Variants in BRPF1 observed in about 807,000 individuals in gnomAD.
BRPF1 encodes bromodomain and PHD finger containing 1.
Under a neutral mutation model 115.0 loss-of-function variants are expected in BRPF1, and 15 were observed. That is an observed-to-expected ratio of 0.13 (90% CI 0.09 to 0.20). The LOEUF (loss-of-function observed/expected upper bound fraction) is 0.20. Ranked by LOEUF, BRPF1 falls within the 10% of genes least tolerant of loss-of-function variation. The pLI, the probability that BRPF1 is intolerant of heterozygous loss-of-function variation, is 1.00. For missense variants in BRPF1, 1,118 were observed against 1,638.3 expected (o/e 0.68, Z 5.48); for synonymous variants, 647 against 619.8 (o/e 1.04, Z -0.65).
In BRPF1 at chr3:9,743,521, C is replaced by G; in HGVS notation, c.2312-57C>G. 6.4e-7 allele frequency: 1 copy of G among 1,550,584 alleles called. No individual in the cohort carries two copies. The highest frequency in any genetic ancestry group is 8.7e-7 in the Non-Finnish European group (1 of 1,143,878). ...GGGTTTCTTGCTGCCTGCCCAGGTT[C>G]AAGGGGCCCTGAGGGCTGCCCTGAG... On this transcript the variant is annotated intron_variant, in intron 7 of 13. Transcript: ENST00000383829. The surrounding 1 kb of genome is among the most constrained non-coding windows in gnomAD (Gnocchi z 6.1).
At chr3:9,742,256 G>C (rs1380511439) in intron 6 of BRPF1, 85 bp downstream of exon 6, 2 of 1,565,224 alleles carry the variant, frequency 1.3e-6, no homozygotes, top group African/African-American at 2.7e-5. Flanking sequence ...AGGACTAGAT[G>C]GGGACCTTGA....
chr3:9,737,770 C>T (rs1047677974), intron 2 of BRPF1, among the ~76,000 whole-genome samples: 10 of 152,252 alleles, frequency 6.6e-5, no homozygotes, highest in African/African-American at 2.2e-4. Context: ...GGTGCTCACA[C>T]TTCCTTCCAT....
At chr3:9,740,002 C>T in intron 3 of BRPF1, 44 bp downstream of exon 3, 1 of 1,499,992 alleles carries the variant, frequency 6.7e-7, no homozygotes, top group African/African-American at 1.4e-5. Context: ...GAGAAAGGAG[C>T]CTCCAGGAGA....
At position 9,745,889 on chromosome 3, in the gene BRPF1, G is replaced by A; in HGVS notation, c.3283G>A (p.Val1095Met). 1 of 1,614,122 alleles carries A rather than the reference G, an allele frequency of 6.2e-7. No individual in the cohort carries two copies. Among genetic ancestry groups the A allele is most frequent in the Non-Finnish European group, 8.5e-7 (1 of 1,180,006 alleles). Reference sequence around the variant, plus strand: ...CTCCCCGCTGGATGCTCTGGACCTCGTGTGGGCCAAATGCCGAGGCTATCC... The same window carrying A: ...CTCCCCGCTGGATGCTCTGGACCTCATGTGGGCCAAATGCCGAGGCTATCC... The part of the protein sequence containing the change: ...EDSPLDALDL[V>M]WAKCRGYPSY... Residue 1095 changes from valine to methionine, a missense_variant, in exon 12 of 14, where the codon GTG becomes ATG. By Grantham distance (21) the Val-to-Met change is conservative. This residue lies in a region of BRPF1 where 76 missense variants were observed against 166.1 expected (regional missense o/e 0.46). Coordinates refer to ENST00000383829, the MANE Select transcript of BRPF1 (RefSeq NM_001003694.2). This position sits in a 1 kb window ranked among gnomAD's most constrained non-coding sequence, Gnocchi z 5.1.
At chr3:9,740,354 T>TG (rs1184365801) in intron 3 of BRPF1, among the ~76,000 whole-genome samples, 1 of 152,234 alleles carries the variant, frequency 6.6e-6, no homozygotes, top group African/African-American at 2.4e-5. Context: ...GCTGCTCATT[T>TG]GGGCTGTGAT....
intron 2 of BRPF1, among the ~76,000 whole-genome samples, chr3:9,735,733 A>T (rs1575149231): frequency 1.3e-5 from 2 of 152,270 alleles, no homozygotes. Flanking sequence ...CTTTAACATG[A>T]GGTAAAAGAT....
rs1297814913 is a variant in BRPF1, at chr3:9,743,981, C to T, written c.2635+80C>T. On this transcript the variant is annotated intron_variant, in intron 8 of 13. Coordinates refer to ENST00000383829, the MANE Select transcript of BRPF1 (RefSeq NM_001003694.2). The surrounding 1 kb of genome is among the most constrained non-coding windows in gnomAD (Gnocchi z 6.1). ...GCACACACTCAACCCCTGCCATTCC[C>T]CAGGCAGAGGTCCCTCCTACACAGC... is the stretch of plus-strand genomic sequence containing the variant. The T allele has an allele frequency of 7.5e-6, 11 of 1,458,508 alleles. 1 individual carries two copies. The South Asian group carries it at 1.4e-4, about 18-fold the overall frequency. 90.3% of individuals were successfully genotyped at this position (1,458,508 alleles called of 1,614,324 possible).
Position 9,745,772 on chromosome 3 carries a change from C to T in BRPF1, c.3206-40C>T. On this transcript the variant is annotated intron_variant, in intron 11 of 13. Coordinates refer to ENST00000383829, the MANE Select transcript of BRPF1 (RefSeq NM_001003694.2). The surrounding 1 kb of genome is among the most constrained non-coding windows in gnomAD (Gnocchi z 5.1). ...CCAGTGTCAGGGTCTCGCCAGCCCC[C>T]CAGCTGCTGATCCACCCCCTCTCCC... 1 of 1,610,890 alleles carries T rather than the reference C, an allele frequency of 6.2e-7. No homozygotes were observed. The highest frequency in any genetic ancestry group is 8.5e-7 in the Non-Finnish European group (1 of 1,177,338).
At position 9,734,440 on chromosome 3, in the gene BRPF1, G is replaced by A; in HGVS notation, c.300G>A (p.Glu100=). The A allele has an allele frequency of 6.2e-7, 1 of 1,614,134 alleles. No homozygotes were observed. Among genetic ancestry groups the A allele is most frequent in the Non-Finnish European group, 8.5e-7 (1 of 1,180,028 alleles). ...MSYAQAQRMV[E]VDLHGRVHRI... Reference sequence around the variant, plus strand: ...ATGCACAGGCCCAGCGCATGGTGGAGGTGGACTTGCATGGCCGCGTCCACC... The same window carrying A: ...ATGCACAGGCCCAGCGCATGGTGGAAGTGGACTTGCATGGCCGCGTCCACC... Residue 100 remains glutamate, a synonymous_variant, in exon 2 of 14, where the codon GAG becomes GAA. Coordinates refer to ENST00000383829, the MANE Select transcript of BRPF1 (RefSeq NM_001003694.2). This position sits in a 1 kb window ranked among gnomAD's most constrained non-coding sequence, Gnocchi z 5.7.
Position 9,742,939 on chromosome 3 carries a change from T to G in BRPF1, c.2002-5T>G. 1 of 1,610,106 alleles carries G rather than the reference T, an allele frequency of 6.2e-7. No individual in the cohort carries two copies. Among genetic ancestry groups the G allele is most frequent in the Non-Finnish European group, 8.5e-7 (1 of 1,176,830 alleles). On this transcript the variant is annotated splice_region_variant and splice_polypyrimidine_tract_variant and intron_variant, in intron 6 of 13. Coordinates refer to ENST00000383829, the MANE Select transcript of BRPF1 (RefSeq NM_001003694.2). ...ACTTAAAACAAACCTGCCCTGCCCT[T>G]CCAGGTACCTGACTACCTAGACCAC...
intron 2 of BRPF1, among the ~76,000 whole-genome samples, chr3:9,736,048 GTCAC>G (rs773996342): frequency 1 from 142,937 of 142,958 alleles, 71,458 homozygotes; most frequent in South Asian, 1. Context: ...GTCTCGCTCT[GTCAC>G]CCAGGCTGGA....
chr3:9,745,627 C>G lies in BRPF1; in HGVS notation c.3123C>G (p.Phe1041Leu), dbSNP rs1303198615. 3.7e-6 allele frequency: 6 copies of G among 1,614,108 alleles called. No individual in the cohort carries two copies. The highest frequency in any genetic ancestry group is 5.1e-6 in the Non-Finnish European group (6 of 1,180,030). The part of the protein sequence containing the change: ...RGKPSFSRGT[F>L]PEDSSEDTSG... ...AACCCTCCTTCTCTCGGGGCACTTT[C>G]CCAGAGGACAGCAGTGAGGATACCT... Residue 1041 changes from phenylalanine to leucine, a missense_variant, in exon 11 of 14, where the codon TTC becomes TTG. By Grantham distance (22) the Phe-to-Leu change is conservative. Coordinates refer to ENST00000383829, the MANE Select transcript of BRPF1 (RefSeq NM_001003694.2). The surrounding 1 kb of genome is among the most constrained non-coding windows in gnomAD (Gnocchi z 5.1).
chr3:9,739,794 G>T lies in BRPF1; in HGVS notation c.1395G>T (p.Glu465Asp). ...CTGCCCTGTCCCACAGCGAGGGTGAGGAGGATGAAGATGAGGAGGAGGATG... is the reference window on the plus strand; with the variant it reads ...CTGCCCTGTCCCACAGCGAGGGTGATGAGGATGAAGATGAGGAGGAGGATG... ...RLPALSHSEGEEDEDEEEDEG... is the reference protein window; with the variant it reads ...RLPALSHSEGDEDEDEEEDEG... Residue 465 changes from glutamate (E) to aspartate (D), a missense_variant, in exon 3 of 14, where the codon GAG (glutamate) becomes GAT (aspartate). By Grantham distance (45) the Glu-to-Asp change is conservative (BLOSUM62 2). Coordinates refer to ENST00000383829, the MANE Select transcript of BRPF1 (RefSeq NM_001003694.2). The T allele has an allele frequency of 6.2e-7, 1 of 1,613,052 alleles. No individual in the cohort carries two copies. The highest frequency in any genetic ancestry group is 8.5e-7 in the Non-Finnish European group (1 of 1,179,528).
At position 9,747,056 on chromosome 3, in the gene BRPF1, A is replaced by C; in HGVS notation, c.3480-110A>C. 3.4e-6 allele frequency: 4 copies of C among 1,179,012 alleles called. No individual in the cohort carries two copies. Among genetic ancestry groups the C allele is most frequent in the Non-Finnish European group, 3.7e-6 (3 of 805,828 alleles). The allele number at this position is 1,179,012 out of a possible 1,614,324, so 73.0% of individuals were successfully genotyped here. ...GTCCTTTGAGGGCAGGGACCATCAC[A>C]GAGTCTGGCCAGAGTGGGTGCTTGG... On this transcript the variant is annotated intron_variant, in intron 13 of 13. Coordinates refer to ENST00000383829, the MANE Select transcript of BRPF1 (RefSeq NM_001003694.2). This position sits in a 1 kb window ranked among gnomAD's most constrained non-coding sequence, Gnocchi z 5.6.
rs774841492 is a variant in BRPF1 at position 9,743,944 on chromosome 3, T to G, written c.2635+43T>G. On this transcript the variant is annotated intron_variant, in intron 8 of 13. Transcript: ENST00000383829. This position sits in a 1 kb window ranked among gnomAD's most constrained non-coding sequence, Gnocchi z 6.1. ...AGGTGGACCCCAAAGCAAGTCAGAC[T>G]TTGGCTCTGCAGCACACACTCAACC... The G allele has an allele frequency of 2.2e-5, 34 of 1,530,804 alleles. No homozygotes were observed. The highest frequency in any genetic ancestry group is 3.0e-5 in the Non-Finnish European group (34 of 1,136,436). The allele number at this position is 1,530,804 out of a possible 1,614,324, so 94.8% of individuals were successfully genotyped here.
At chr3:9,741,568 AG>A in intron 5 of BRPF1, 129 bp downstream of exon 5, 1 of 810,922 alleles carries the variant, frequency 1.2e-6, no homozygotes, top group Non-Finnish European at 1.6e-6. Context: ...ACCTGGGAGG[AG>A]GGGTTTGCAG....
At position 9,734,610 on chromosome 3, in the gene BRPF1, G is replaced by T. The variant is rs889065158; in HGVS notation, c.470G>T (p.Arg157Leu). 3 of 1,614,068 alleles carry T rather than the reference G, an allele frequency of 1.9e-6. No homozygotes were observed. The highest frequency in any genetic ancestry group is 2.5e-6 in the Non-Finnish European group (3 of 1,180,016). ...GGCAAACATAAGAACAAGGAGAAGC[G>T]CAAGGACTCCAACCATCACCACCAC... ...KSGKHKNKEK[R>L]KDSNHHHHHN... The change falls in exon 2 of 14, where the codon CGC becomes CTC. Residue 157 changes from arginine to leucine, a missense_variant. Physicochemically the swap from Arg to Leu is moderately radical, Grantham distance 102 (BLOSUM62 -2). This residue lies in a region of BRPF1 where 280 missense variants were observed against 382.8 expected (regional missense o/e 0.73). Coordinates refer to ENST00000383829, the MANE Select transcript of BRPF1 (RefSeq NM_001003694.2). The surrounding 1 kb of genome is among the most constrained non-coding windows in gnomAD (Gnocchi z 5.7).
chr3:9,742,486 T>G (rs2077047968), intron 6 of BRPF1: 1 of 985,286 alleles, frequency 1.0e-6, no homozygotes. Flanking sequence ...GCTCAGCACC[T>G]AAAGAACCAG....
At chr3:9,741,894 C>T in intron 5 of BRPF1, 131 bp from the exon 6 acceptor site, 1 of 1,026,574 alleles carries the variant, frequency 9.7e-7, no homozygotes, top group Non-Finnish European at 1.4e-6. Flanking sequence ...AGAAGGTAGA[C>T]CTGTATGAGT....
Sources: allele counts gnomAD v4.1 joint callset (sites outside exome capture counted in the v4.1 genomes callset), GRCh38; gene constraint gnomAD v4.1.1; regional missense constraint gnomAD v4.1.1; non-coding constraint Gnocchi (gnomAD v3.1); transcripts MANE v1.5; gene names NCBI Gene and HGNC (gene_info 2026-07-23, HGNC 2026-07-21).